FSTL5: variants seen among roughly 807,000 people sequenced by gnomAD.
FSTL5 encodes the protein follistatin like 5.
Under a neutral mutation model 89.1 loss-of-function variants are expected in FSTL5, and 62 were observed. That is an observed-to-expected ratio of 0.70 (90% CI 0.57 to 0.86). FSTL5 has a LOEUF of 0.86. Ranked by LOEUF, FSTL5 falls within the 40% of genes least tolerant of loss-of-function variation. The pLI, the probability that FSTL5 is intolerant of heterozygous loss-of-function variation, is 0.00. For missense variants in FSTL5, 1,057 were observed against 1,001.6 expected (o/e 1.06, Z -0.75); for synonymous variants, 383 against 346.2 (o/e 1.11, Z -1.18).
chr4:161,643,714 T>C (rs76664605), intron 7 of FSTL5, among the ~76,000 whole-genome samples: 604 of 152,340 alleles, frequency 4.0e-3, no homozygotes, highest in African/African-American at 0.014. Context: ...ATATGCTTAA[T>C]GAAAACTGTT....
intron 2 of FSTL5, among the ~76,000 whole-genome samples, chr4:162,053,022 T>G (rs1045904405): frequency 6.6e-6 from 1 of 151,666 alleles, no homozygotes; most frequent in Non-Finnish European, 1.5e-5. Context: ...CAAAAAGTAA[T>G]AAATGGATGG....
chr4:161,801,076 C>T (rs1296366821), intron 4 of FSTL5, among the ~76,000 whole-genome samples: 1 of 151,528 alleles, frequency 6.6e-6, no homozygotes, highest in African/African-American at 2.4e-5. Context: ...GTGAAAAGTG[C>T]TACACTTGTC....
At chr4:161,743,441 T>G (rs1365980743) in intron 6 of FSTL5, among the ~76,000 whole-genome samples, 1 of 152,112 alleles carries the variant, frequency 6.6e-6, no homozygotes, top group Admixed American at 6.6e-5. Context: ...TGTTTTGATT[T>G]TAATGGCTTT....
chr4:161,992,884 ATATATATATATATG>A (rs1560957494), intron 3 of FSTL5, among the ~76,000 whole-genome samples: 5 of 21,480 alleles, frequency 2.3e-4, no homozygotes, highest in Admixed American at 6.7e-4. Context: ...ATATATATAT[ATATATATATATATG>A]TGTGTGTATA....
intron 2 of FSTL5, among the ~76,000 whole-genome samples, chr4:162,072,812 A>G (rs1182932892): frequency 6.6e-6 from 1 of 151,798 alleles, no homozygotes; most frequent in East Asian, 1.9e-4. Flanking sequence ...TTGACATATA[A>G]ATCGGTAGAC....
chr4:161,499,089 C>T (rs1730201476), intron 12 of FSTL5, among the ~76,000 whole-genome samples: 1 of 152,010 alleles, frequency 6.6e-6, no homozygotes, highest in South Asian at 2.1e-4. Flanking sequence ...GTAATCCCAG[C>T]TACTTGGGAG....
intron 2 of FSTL5, among the ~76,000 whole-genome samples, chr4:162,085,810 G>A (rs1222407756): frequency 2.0e-5 from 3 of 152,096 alleles, no homozygotes; most frequent in Non-Finnish European, 2.9e-5. Flanking sequence ...CAGTCTCTTG[G>A]ATACTAAAAT....
intron 7 of FSTL5, among the ~76,000 whole-genome samples, chr4:161,646,462 T>C (rs1736157593): frequency 3.3e-5 from 5 of 151,890 alleles, no homozygotes; most frequent in African/African-American, 4.8e-5. Flanking sequence ...ATAGTACATA[T>C]TCTGAAACCT....
chr4:161,985,070 C>T (rs1735925740), intron 3 of FSTL5, among the ~76,000 whole-genome samples: 1 of 151,610 alleles, frequency 6.6e-6, no homozygotes, highest in South Asian at 2.1e-4. Flanking sequence ...AATTTTCGTG[C>T]TTCAGCCTCC....
chr4:161,674,305 G>C (rs1737223965), intron 6 of FSTL5, among the ~76,000 whole-genome samples: 1 of 151,856 alleles, frequency 6.6e-6, no homozygotes, highest in African/African-American at 2.4e-5. Context: ...AAGCCTAAAT[G>C]GGAAAGAATA....
At chr4:161,864,504 T>G (rs1023621799) in intron 4 of FSTL5, among the ~76,000 whole-genome samples, 2 of 152,128 alleles carry the variant, frequency 1.3e-5, no homozygotes, top group Non-Finnish European at 2.9e-5. Flanking sequence ...CAGTTTTAAT[T>G]AATGTGAGGA....
At chr4:161,604,329 C>T (rs1246864728) in intron 7 of FSTL5, among the ~76,000 whole-genome samples, 3 of 152,004 alleles carry the variant, frequency 2.0e-5, no homozygotes, top group African/African-American at 7.3e-5. Flanking sequence ...AAAGCAAGCA[C>T]ATCATTTAGG....
At chr4:161,543,765 A>G (rs1471171488) in intron 8 of FSTL5, among the ~76,000 whole-genome samples, 5 of 152,050 alleles carry the variant, frequency 3.3e-5, no homozygotes, top group Admixed American at 3.3e-4. Flanking sequence ...TTCAAAATAA[A>G]TCAAAGACTT....
At chr4:161,956,114 T>C (rs183772277) in intron 3 of FSTL5, among the ~76,000 whole-genome samples, 3,769 of 150,620 alleles carry the variant, frequency 0.025, 64 homozygotes, top group Non-Finnish European at 0.037. Flanking sequence ...AAAATCAAAT[T>C]AAAAATCTAT....
At chr4:161,832,624 G>C (rs1039758129) in intron 4 of FSTL5, among the ~76,000 whole-genome samples, 8 of 152,000 alleles carry the variant, frequency 5.3e-5, no homozygotes, top group African/African-American at 1.7e-4. Flanking sequence ...TGTATGTGTC[G>C]AGGAATTTAT....
chr4:162,056,526 T>C (rs537556278), intron 2 of FSTL5, among the ~76,000 whole-genome samples: 3 of 152,230 alleles, frequency 2.0e-5, no homozygotes, highest in African/African-American at 4.8e-5. Context: ...ATGCGGTATA[T>C]TTGTAAATGG....
intron 7 of FSTL5, among the ~76,000 whole-genome samples, chr4:161,649,100 G>C (rs191388098): frequency 6.6e-6 from 1 of 152,028 alleles, no homozygotes; most frequent in Non-Finnish European, 1.5e-5. Context: ...TTAACAGCCC[G>C]GACAACTACA....
intron 3 of FSTL5, among the ~76,000 whole-genome samples, chr4:161,934,221 G>A (rs1734369805): frequency 6.6e-6 from 1 of 152,050 alleles, no homozygotes; most frequent in South Asian, 2.1e-4. Context: ...TATTCTGCCT[G>A]TACTTTGCTC....
intron 12 of FSTL5, among the ~76,000 whole-genome samples, chr4:161,495,659 C>A (rs1359871319): frequency 6.6e-6 from 1 of 152,038 alleles, no homozygotes; most frequent in Non-Finnish European, 1.5e-5. Context: ...AAGCAAATAC[C>A]ATTTTCTGAG....
Sources: allele counts gnomAD v4.1 joint callset (sites outside exome capture counted in the v4.1 genomes callset), GRCh38; gene constraint gnomAD v4.1.1; transcripts MANE v1.5; gene names NCBI Gene and HGNC (gene_info 2026-07-23, HGNC 2026-07-21).